Variants in ACTR10 observed in about 807,000 individuals in gnomAD.
ACTR10 encodes the protein actin related protein 10.
A neutral mutation model predicts 56.2 loss-of-function variants in ACTR10; 43 were observed. The observed-to-expected ratio is 0.77, with a 90% CI of 0.60 to 0.99. The LOEUF is 0.99. Ranked by LOEUF, ACTR10 falls within the 50% of genes least tolerant of loss-of-function variation. The pLI, the probability that ACTR10 is intolerant of heterozygous loss-of-function variation, is 0.00. For synonymous variants in ACTR10, 170 were observed against 176.3 expected, an observed-to-expected ratio of 0.96 and a Z score of 0.28; for missense variants, 466 against 507.8, an observed-to-expected ratio of 0.92 and a Z score of 0.79.
At chr14:58,210,977 T>C (rs1888979809) in intron 4 of ACTR10, 1 of 248,368 alleles carries the variant, frequency 4.0e-6, no homozygotes, top group South Asian at 4.5e-5. Context: ...GCCCAGCCTC[T>C]AGACCTCTTC....
chr14:58,232,270 A>G lies in ACTR10; in HGVS notation c.1072+3A>G, dbSNP rs1889556963. Reference sequence around the variant, plus strand: ...TAATTGTGTGGCCTGGTTGGGAGGTAAGAATTTCACTTTTAAAATATAATG... The same window carrying G: ...TAATTGTGTGGCCTGGTTGGGAGGTGAGAATTTCACTTTTAAAATATAATG... On this transcript the variant is annotated splice_donor_region_variant and intron_variant, in intron 12 of 12. Transcript: ENST00000254286. 2 of 1,609,584 alleles carry G rather than the reference A, an allele frequency of 1.2e-6. No homozygotes were observed. Among genetic ancestry groups the G allele is most frequent in the African/African-American group, 2.7e-5 (2 of 74,618 alleles).
At chr14:58,204,138 T>C (rs1284484818) in intron 2 of ACTR10, among the ~76,000 whole-genome samples, 1 of 151,712 alleles carries the variant, frequency 6.6e-6, no homozygotes, top group African/African-American at 2.4e-5. Context: ...TCGCAGCACT[T>C]TGGGAGGCCG....
chr14:58,215,983 T>C (rs1253641649), intron 7 of ACTR10, among the ~76,000 whole-genome samples: 2 of 151,664 alleles, frequency 1.3e-5, no homozygotes, highest in Non-Finnish European at 2.9e-5. Context: ...CTTTTTTTTT[T>C]TTTTTTTAAC....
intron 2 of ACTR10, among the ~76,000 whole-genome samples, chr14:58,204,560 CAAAT>C (rs970862269): frequency 1.8e-4 from 28 of 151,994 alleles, no homozygotes. Flanking sequence ...CAAAAATAAA[CAAAT>C]AAAAATAAAA....
At chr14:58,231,586 A>C (rs1347067421) in intron 11 of ACTR10, among the ~76,000 whole-genome samples, 1 of 152,210 alleles carries the variant, frequency 6.6e-6, no homozygotes, top group Admixed American at 6.5e-5. Context: ...TATCATCGCT[A>C]ACTCTTAAAG....
intron 8 of ACTR10, among the ~76,000 whole-genome samples, chr14:58,220,589 T>C (rs1284488747): frequency 6.6e-6 from 1 of 152,218 alleles, no homozygotes; most frequent in Non-Finnish European, 1.5e-5. Context: ...ATTTCTATCC[T>C]CCGTGATATA....
chr14:58,222,764 GAAAAAAA>G (rs58412717), intron 8 of ACTR10, among the ~76,000 whole-genome samples: 1 of 76,342 alleles, frequency 1.3e-5, no homozygotes, highest in South Asian at 4.9e-4. Flanking sequence ...GACTCTGTCA[GAAAAAAA>G]AAAAAAAAAA....
Position 58,234,590 on chromosome 14 carries a change from T to C in ACTR10, c.*39T>C. ...AATCAACCTTGCTTCATATCAAATA[T>C]TTAACCAATTATAAGCAAATTGTAC... On this transcript the variant is annotated 3_prime_UTR_variant, in exon 13 of 13. Transcript: ENST00000254286. 1 of 1,574,214 alleles carries C rather than the reference T, an allele frequency of 6.4e-7. No homozygotes were observed. The highest frequency in any genetic ancestry group is 2.2e-5 in the East Asian group (1 of 44,480).
At chr14:58,226,428 TAA>T (rs34541151) in intron 10 of ACTR10, among the ~76,000 whole-genome samples, 90 of 132,226 alleles carry the variant, frequency 6.8e-4, no homozygotes, top group Non-Finnish European at 7.2e-4. Context: ...CTATTTTCTT[TAA>T]AAAAAAAAAA....
At chr14:58,214,647 C>T (rs1051017332) in intron 6 of ACTR10, among the ~76,000 whole-genome samples, 4 of 151,256 alleles carry the variant, frequency 2.6e-5, no homozygotes, top group South Asian at 2.1e-4. Flanking sequence ...TGCGCCGCCA[C>T]GCCTGGCTAA....
rs372667907 is a variant in ACTR10, at chr14:58,223,625, G to A, written c.638G>A (p.Arg213His). 126 of 1,611,220 alleles carry A rather than the reference G, an allele frequency of 7.8e-5. No homozygotes were observed. Among genetic ancestry groups the A allele is most frequent in the Admixed American group, 2.2e-4 (13 of 59,578 alleles). ...PEGVLEDIKARTCFVSDLKRG... is the reference protein window; with the variant it reads ...PEGVLEDIKAHTCFVSDLKRG... ...GGTCTCCTTTTCTTCCTTAAAGCGC[G>A]TACTTGCTTTGTAAGTGATCTGAAG... is the stretch of plus-strand genomic sequence containing the variant. The change falls in exon 9 of 13, where the codon CGT (arginine) becomes CAT (histidine). Residue 213 changes from arginine to histidine, a missense_variant. By Grantham distance (29) the Arg-to-His change is conservative. Transcript: ENST00000254286.
chr14:58,228,077 G>A (rs909383326), intron 10 of ACTR10, among the ~76,000 whole-genome samples: 31 of 152,126 alleles, frequency 2.0e-4, no homozygotes, highest in Admixed American at 2.0e-3. Flanking sequence ...ACTCCAGCTT[G>A]GGCAACAGGG....
intron 8 of ACTR10, among the ~76,000 whole-genome samples, chr14:58,220,848 G>A (rs141582233): frequency 1.3e-5 from 2 of 152,298 alleles, no homozygotes; most frequent in African/African-American, 4.8e-5. Context: ...AAGTGTTATT[G>A]CATGAAGTTT....
chr14:58,217,505 A>G (rs1369473998), intron 7 of ACTR10, among the ~76,000 whole-genome samples: 1 of 151,868 alleles, frequency 6.6e-6, no homozygotes, highest in South Asian at 2.1e-4. Context: ...CTGTTTCTAC[A>G]TAAAAAAAAA....
chr14:58,222,888 A>G (rs1889309613), intron 8 of ACTR10, among the ~76,000 whole-genome samples: 1 of 152,156 alleles, frequency 6.6e-6, no homozygotes, highest in Non-Finnish European at 1.5e-5. Context: ...TTTCCTTAAA[A>G]AGAATCAGAC....
chr14:58,222,158 C>T (rs1401457712), intron 8 of ACTR10, among the ~76,000 whole-genome samples: 1 of 151,512 alleles, frequency 6.6e-6, no homozygotes, highest in Non-Finnish European at 1.5e-5. Flanking sequence ...ATATATTATA[C>T]ACAATTCTTT....
At chr14:58,212,748 A>G (rs1889034201) in intron 5 of ACTR10, among the ~76,000 whole-genome samples, 1 of 152,208 alleles carries the variant, frequency 6.6e-6, no homozygotes, top group South Asian at 2.1e-4. Flanking sequence ...TATACTTAGC[A>G]AACCCACAGT....
At position 58,219,709 on chromosome 14, in the gene ACTR10, G is replaced by T; in HGVS notation, c.614G>T (p.Gly205Val). The change falls in exon 8 of 13, where the codon GGT becomes GTT. Residue 205 changes from glycine to valine, a missense_variant. Gly to Val is a moderately radical substitution (Grantham distance 109). Coordinates refer to ENST00000254286, the MANE Select transcript of ACTR10 (RefSeq NM_018477.3). Reference protein sequence around the residue: ...LPSVMGSVPEGVLEDIKARTC... With the variant: ...LPSVMGSVPEVVLEDIKARTC... ...TTTGTTTTAGGTTCAGTTCCGGAAG[G>T]TGTCTTAGAGGACATTAAAGGTAAA... is the stretch of plus-strand genomic sequence containing the variant. 1.3e-6 allele frequency: 2 copies of T among 1,526,164 alleles called. No homozygotes were observed. The highest frequency in any genetic ancestry group is 1.8e-6 in the Non-Finnish European group (2 of 1,137,060). 94.5% of individuals were successfully genotyped at this position (1,526,164 alleles called of 1,614,324 possible).
At chr14:58,229,097 T>C (rs1193223692) in intron 10 of ACTR10, among the ~76,000 whole-genome samples, 1 of 152,120 alleles carries the variant, frequency 6.6e-6, no homozygotes, top group South Asian at 2.1e-4. Context: ...CTGTGTTATT[T>C]TATCATGTGT....
Sources: allele counts gnomAD v4.1 joint callset (sites outside exome capture counted in the v4.1 genomes callset), GRCh38; gene constraint gnomAD v4.1.1; transcripts MANE v1.5; gene names NCBI Gene and HGNC (gene_info 2026-07-23, HGNC 2026-07-21).